Variants in RAPGEF4 observed in about 807,000 individuals in gnomAD.
RAPGEF4 encodes the protein RAP guanine-nucleotide-exchange factor (GEF) 4.
In RAPGEF4, 66 loss-of-function variants were observed where a neutral mutation model predicts 147.9. That is an observed-to-expected ratio of 0.45 (90% confidence interval 0.37 to 0.55). RAPGEF4 has a LOEUF of 0.55. Among genes scored for constraint, RAPGEF4 ranks in the 20% least tolerant of loss-of-function variants. The probability of loss-of-function intolerance (pLI) is 0.00; values close to 1 mark genes in which losing one functional copy is unlikely to be tolerated. For missense variants in RAPGEF4, 1,071 were observed against 1,257.3 expected (o/e 0.85, Z 2.24); for synonymous variants, 419 against 442.7 (o/e 0.95, Z 0.67).
At chr2:172,889,251 C>A (rs962873835) in intron 4 of RAPGEF4, among the ~76,000 whole-genome samples, 2 of 151,880 alleles carry the variant, frequency 1.3e-5, no homozygotes. Flanking sequence ...ATGACACTGT[C>A]GCCTTTCAAG....
chr2:172,737,989 G>A (rs1485331202), intron 1 of RAPGEF4, among the ~76,000 whole-genome samples: 2 of 152,248 alleles, frequency 1.3e-5, no homozygotes, highest in Admixed American at 1.3e-4. Context: ...GTTCTGCAGT[G>A]TTCATGCCAG....
At chr2:172,830,724 C>A (rs1205109854) in intron 4 of RAPGEF4, among the ~76,000 whole-genome samples, 1 of 152,222 alleles carries the variant, frequency 6.6e-6, no homozygotes, top group Non-Finnish European at 1.5e-5. Flanking sequence ...CCACCTTAGC[C>A]TCCTGTGTAG....
intron 27 of RAPGEF4, 95 bp from the exon 28 acceptor site, chr2:173,036,030 C>T (rs1002171062): frequency 3.3e-6 from 3 of 915,668 alleles, no homozygotes; most frequent in Non-Finnish European, 5.4e-6. Context: ...GTCAACTGTA[C>T]CTGATTGTGG....
rs1686281138 is a variant in RAPGEF4, at chr2:173,051,835, A to G, written c.*68A>G. 3 of 1,563,646 alleles carry G rather than the reference A, an allele frequency of 1.9e-6. No homozygotes were observed. Among genetic ancestry groups the G allele is most frequent in the Admixed American group, 1.7e-5 (1 of 58,886 alleles). ...ATCTTTCAAAAATGCCATTTATGCT[A>G]CTACTGACTGTATTGCCACTAGAGA... On this transcript the variant is annotated 3_prime_UTR_variant, in exon 31 of 31. Transcript: ENST00000397081.
chr2:172,959,676 T>C (rs933127089), intron 6 of RAPGEF4, among the ~76,000 whole-genome samples: 6 of 152,026 alleles, frequency 3.9e-5, no homozygotes, highest in African/African-American at 1.2e-4. Context: ...GTTTGGAATA[T>C]CATTACCAGA....
intron 1 of RAPGEF4, among the ~76,000 whole-genome samples, chr2:172,753,825 C>T (rs1695517441): frequency 6.6e-6 from 1 of 151,794 alleles, no homozygotes; most frequent in Admixed American, 6.6e-5. Flanking sequence ...CTTCCTCTTT[C>T]GGTTTGTGAG....
chr2:172,889,252 G>A (rs568153620), intron 4 of RAPGEF4, among the ~76,000 whole-genome samples: 2 of 151,788 alleles, frequency 1.3e-5, no homozygotes, highest in Admixed American at 1.3e-4. Context: ...TGACACTGTC[G>A]CCTTTCAAGT....
chr2:172,808,211 CAAAT>C (rs1337485835), intron 3 of RAPGEF4, among the ~76,000 whole-genome samples: 12 of 152,186 alleles, frequency 7.9e-5, no homozygotes, highest in Non-Finnish European at 1.6e-4. Flanking sequence ...TACAATGAAA[CAAAT>C]AAAACGCCTC....
intron 30 of RAPGEF4, among the ~76,000 whole-genome samples, chr2:173,049,769 TA>T (rs1685966732): frequency 6.6e-6 from 1 of 152,248 alleles, no homozygotes; most frequent in Non-Finnish European, 1.5e-5. Context: ...TATCATCAAC[TA>T]TTCTTATGTG....
intron 6 of RAPGEF4, among the ~76,000 whole-genome samples, chr2:172,954,730 A>G (rs1391082904): frequency 6.6e-6 from 1 of 152,230 alleles, no homozygotes; most frequent in Non-Finnish European, 1.5e-5. Flanking sequence ...AAAGCAAGGG[A>G]ATATAGCTCC....
In RAPGEF4 at chr2:173,034,873, A is replaced by AACACACACACACACACAC. The variant is rs34646146; in HGVS notation, c.2700+929_2700+946dup. ...GGGTGACAGAGTGCGACCCCGTCTC[A>AACACACACACACACACAC]ACACACACACACACACACACACACA... On this transcript the variant is annotated intron_variant, in intron 27 of 30. Transcript: ENST00000397081. Among the ~76,000 whole-genome samples the AACACACACACACACACAC allele has an allele frequency of 1.9e-3, 273 of 140,938 alleles. 1 individual carries two copies. Among genetic ancestry groups the AACACACACACACACACAC allele is most frequent in the African/African-American group, 6.8e-3 (258 of 37,860 alleles). 92.5% of individuals were successfully genotyped at this position (140,938 alleles called of 152,430 possible). A position where few individuals can be genotyped will look rare whatever the true frequency, so the allele number is the denominator to read the frequency against.
intron 30 of RAPGEF4, among the ~76,000 whole-genome samples, chr2:173,049,399 G>A (rs1685922879): frequency 6.6e-6 from 1 of 152,132 alleles, no homozygotes; most frequent in Non-Finnish European, 1.5e-5. Context: ...GAAATGAGAA[G>A]GTGAACACTA....
intron 4 of RAPGEF4, among the ~76,000 whole-genome samples, chr2:172,816,404 T>G (rs1230515799): frequency 6.6e-6 from 1 of 152,170 alleles, no homozygotes; most frequent in Non-Finnish European, 1.5e-5. Flanking sequence ...TATCTTTTTT[T>G]GCACTTCTAT....
rs756382081 is a variant in RAPGEF4 at position 172,960,775 on chromosome 2, C to A, written c.553C>A (p.Pro185Thr). ...TATTTTTCAGACACCTCTCATTGAA[C>A]CTCACGTTCCTCTTCGTCCTGCTAA... ...PDKENTPLIE[P>T]HVPLRPANTI... Residue 185 changes from proline to threonine, a missense_variant, in exon 7 of 31, where the codon CCT becomes ACT. By Grantham distance (38) the Pro-to-Thr change is conservative. Transcript: ENST00000397081. The A allele has an allele frequency of 1.2e-6, 2 of 1,605,092 alleles. No homozygotes were observed. Among genetic ancestry groups the A allele is most frequent in the South Asian group, 2.2e-5 (2 of 88,948 alleles).
rs200344210 is a variant in RAPGEF4 at position 172,763,878 on chromosome 2, C to CT, written c.65+27837dup. On this transcript the variant is annotated intron_variant, in intron 1 of 30. Transcript: ENST00000397081. Reference sequence around the variant, plus strand: ...GTAAATGTATACATATTCATATTTCCTTTTTTTGGTATTTTCTGATTATGC... The same window carrying CT: ...GTAAATGTATACATATTCATATTTCCTTTTTTTTGGTATTTTCTGATTATGC... Among the ~76,000 whole-genome samples the CT allele has an allele frequency of 2.5e-3, 376 of 152,050 alleles. 7 individuals carry two copies. The highest frequency in any genetic ancestry group is 0.023 in the Admixed American group (346 of 15,272).
intron 29 of RAPGEF4, among the ~76,000 whole-genome samples, chr2:173,044,553 G>A (rs977309616): frequency 1.3e-5 from 2 of 152,162 alleles, no homozygotes; most frequent in Non-Finnish European, 2.9e-5. Flanking sequence ...CTCCTCGAGT[G>A]CATGTCCTGA....
At chr2:172,769,928 A>T (rs1697198622) in intron 1 of RAPGEF4, among the ~76,000 whole-genome samples, 1 of 152,162 alleles carries the variant, frequency 6.6e-6, no homozygotes, top group South Asian at 2.1e-4. Context: ...TCACACAAAA[A>T]TACTGTTTAG....
intron 1 of RAPGEF4, chr2:172,744,237 G>T: frequency 3.6e-6 from 1 of 278,122 alleles, no homozygotes; most frequent in South Asian, 3.4e-5. Context: ...CCCGTTTTCT[G>T]TTTCCAGTCT....
chr2:172,803,764 C>T (rs773242014), intron 3 of RAPGEF4, among the ~76,000 whole-genome samples: 7 of 152,138 alleles, frequency 4.6e-5, no homozygotes, highest in East Asian at 1.9e-4. Flanking sequence ...ATGCCTTTAA[C>T]GGCACCCAAG....
Sources: gnomAD v4.1 joint callset for allele counts (sites outside exome capture counted in the v4.1 genomes callset) on GRCh38, gnomAD v4.1.1 for gene constraint, MANE v1.5 for transcripts, NCBI Gene and HGNC (gene_info 2026-07-23, HGNC 2026-07-21) for gene names.